ZC3H12D: variants seen among roughly 807,000 people sequenced by gnomAD.
The protein encoded by ZC3H12D is probable ribonuclease ZC3H12D.
Under a neutral mutation model 24.2 loss-of-function variants are expected in ZC3H12D, and 11 were observed. That is an observed-to-expected ratio of 0.46 (90% confidence interval 0.29 to 0.75). The LOEUF is 0.75. Among genes scored for constraint, ZC3H12D ranks in the 30% least tolerant of loss-of-function variants. ZC3H12D has a pLI of 0.11. For missense variants in ZC3H12D, 740 were observed against 767.7 expected (o/e 0.96, Z 0.43); for synonymous variants, 333 against 341.8 (o/e 0.97, Z 0.28).
chr6:149,476,321 A>G (rs907731765), intron 1 of ZC3H12D, among the ~76,000 whole-genome samples: 4 of 152,210 alleles, frequency 2.6e-5, no homozygotes, highest in African/African-American at 7.2e-5. Context: ...CCTGGCCAAC[A>G]TGGCGAAATC....
intron 1 of ZC3H12D, among the ~76,000 whole-genome samples, chr6:149,476,407 G>C (rs1368158518): frequency 3.3e-5 from 5 of 152,162 alleles, no homozygotes; most frequent in African/African-American, 1.2e-4. Flanking sequence ...GGGAGGCTGA[G>C]GCAGGAGACT....
At chr6:149,473,422 C>A (rs73779376) in intron 2 of ZC3H12D, among the ~76,000 whole-genome samples, 2 of 152,190 alleles carry the variant, frequency 1.3e-5, no homozygotes, top group Non-Finnish European at 2.9e-5. Context: ...GCCCTTTGCA[C>A]GGTTGTAACA....
rs1775982066 is a variant in ZC3H12D at position 149,456,536 on chromosome 6, G to A, written c.680+130C>T. 7 of 761,658 alleles carry A rather than the reference G, an allele frequency of 9.2e-6. No individual in the cohort carries two copies. In the East Asian group the frequency reaches 1.3e-4, roughly 15 times the overall value. 47.2% of individuals were successfully genotyped at this position (761,658 alleles called of 1,614,324 possible). A position where few individuals can be genotyped will look rare whatever the true frequency, so the allele number is the denominator to read the frequency against. On this transcript the variant is annotated intron_variant, in intron 4 of 5. Coordinates refer to ENST00000409806, the MANE Select transcript of ZC3H12D (RefSeq NM_207360.3). The surrounding 1 kb of genome is among the most constrained non-coding windows in gnomAD (Gnocchi z 4.3). Reference sequence around the variant, plus strand: ...CCGCCGAGAATGCGGACCTGGGGGAGCTCTGTCTGAGGGGCTGGGTGACCG... The same window carrying A: ...CCGCCGAGAATGCGGACCTGGGGGAACTCTGTCTGAGGGGCTGGGTGACCG...
intron 2 of ZC3H12D, among the ~76,000 whole-genome samples, chr6:149,463,881 GCTA>G (rs1467304471): frequency 2.6e-5 from 4 of 152,226 alleles, no homozygotes; most frequent in Non-Finnish European, 5.9e-5. Flanking sequence ...AGGATGGCAG[GCTA>G]TTCACTGACA....
intron 2 of ZC3H12D, among the ~76,000 whole-genome samples, chr6:149,465,635 G>C (rs1357904815): frequency 6.6e-6 from 1 of 151,658 alleles, no homozygotes; most frequent in Non-Finnish European, 1.5e-5. Flanking sequence ...TGCACATGTA[G>C]TTCCAGCTAC....
intron 2 of ZC3H12D, among the ~76,000 whole-genome samples, chr6:149,462,981 C>T (rs968700518): frequency 3.3e-5 from 5 of 152,162 alleles, no homozygotes; most frequent in African/African-American, 7.2e-5. Flanking sequence ...ACCTTGTGAT[C>T]GTGTGAGTCA....
chr6:149,467,865 A>G (rs1312314917), intron 2 of ZC3H12D, among the ~76,000 whole-genome samples: 4 of 152,212 alleles, frequency 2.6e-5, no homozygotes, highest in Non-Finnish European at 4.4e-5. Context: ...TTAAATGCTC[A>G]TGCTTAGAAA....
intron 4 of ZC3H12D, among the ~76,000 whole-genome samples, chr6:149,455,823 G>T (rs537917218): frequency 6.7e-6 from 1 of 149,366 alleles, no homozygotes. Flanking sequence ...GATCGCTTGA[G>T]CCCAGGTGTT....
intron 1 of ZC3H12D, among the ~76,000 whole-genome samples, chr6:149,480,535 C>G (rs62441728): frequency 0.16 from 24,850 of 152,190 alleles, 3,403 homozygotes; most frequent in East Asian, 0.74. Context: ...GAAGCCCAAG[C>G]AGACCAGCCT....
chr6:149,481,321 C>T (rs948574299), intron 1 of ZC3H12D, among the ~76,000 whole-genome samples: 6 of 150,182 alleles, frequency 4.0e-5, no homozygotes, highest in South Asian at 4.4e-4. Context: ...GAGAAAGGAC[C>T]AGAAGAAAGG....
intron 2 of ZC3H12D, 83 bp from the exon 3 acceptor site, chr6:149,462,053 T>C (rs1434828328): frequency 6.1e-6 from 9 of 1,484,758 alleles, no homozygotes; most frequent in Non-Finnish European, 8.1e-6. Context: ...TGGATCACAG[T>C]CTCATAATCA....
chr6:149,461,889 G>A lies in ZC3H12D; in HGVS notation c.387C>T (p.Ile129=). ...TCCTCCAGGATGGAACAAAAACTTT[G>A]ATGTAGGTGTGTCCTCTGTCCCTGA... The part of the protein sequence containing the change: ...DWFRDRGHTY[I]KVFVPSWRKD... Residue 129 remains isoleucine, a synonymous_variant, in exon 3 of 6, where the codon ATC becomes ATT. Transcript: ENST00000409806. The A allele has an allele frequency of 1.9e-6, 3 of 1,601,960 alleles. No homozygotes were observed. The highest frequency in any genetic ancestry group is 2.6e-6 in the Non-Finnish European group (3 of 1,174,212).
chr6:149,461,318 C>T (rs946348304), intron 3 of ZC3H12D, among the ~76,000 whole-genome samples: 11 of 144,294 alleles, frequency 7.6e-5, no homozygotes, highest in African/African-American at 1.1e-4. Context: ...TCCAGCTTGG[C>T]GACAGAGCAA....
rs772859875 is a variant in ZC3H12D, at chr6:149,450,946, G to T, written c.1321C>A (p.Pro441Thr). The T allele has an allele frequency of 1.8e-5, 28 of 1,537,868 alleles. No homozygotes were observed. The South Asian group carries it at 2.3e-4, about 12-fold the overall frequency. The change falls in exon 6 of 6, where the codon CCC becomes ACC. Residue 441 changes from proline to threonine, a missense_variant. Coordinates refer to ENST00000409806, the MANE Select transcript of ZC3H12D (RefSeq NM_207360.3). Reference sequence around the variant, plus strand: ...CGCCCAGGGAAGCGGTCGGAGCGGGGTGGACGGGCCCACGGGTCGTCGGGT... The same window carrying T: ...CGCCCAGGGAAGCGGTCGGAGCGGGTTGGACGGGCCCACGGGTCGTCGGGT... ...RPPDDPWARP[P>T]RSDRFPGRSV...
At chr6:149,475,172 C>A (rs1776316092) in intron 1 of ZC3H12D, among the ~76,000 whole-genome samples, 1 of 152,088 alleles carries the variant, frequency 6.6e-6, no homozygotes, top group Admixed American at 6.5e-5. Flanking sequence ...CTTCCAGCCT[C>A]CAGAACTGTG....
chr6:149,459,063 T>C (rs1431471630), intron 3 of ZC3H12D, among the ~76,000 whole-genome samples: 1 of 152,198 alleles, frequency 6.6e-6, no homozygotes, highest in East Asian at 1.9e-4. Context: ...GAGACTTGTC[T>C]TTCCACTTTT....
At chr6:149,451,627 G>A in intron 5 of ZC3H12D, 148 bp from the exon 6 acceptor site, 2 of 704,266 alleles carry the variant, frequency 2.8e-6, no homozygotes, top group South Asian at 4.3e-5. Context: ...GGACTCCTCA[G>A]ACTCAGCGCC....
chr6:149,478,893 C>T (rs1002976624), intron 1 of ZC3H12D, among the ~76,000 whole-genome samples: 1 of 152,188 alleles, frequency 6.6e-6, no homozygotes, highest in African/African-American at 2.4e-5. Flanking sequence ...ATCATGTTCG[C>T]CACCTGCTTC....
chr6:149,470,938 C>T (rs1019923596), intron 2 of ZC3H12D, among the ~76,000 whole-genome samples: 1 of 152,196 alleles, frequency 6.6e-6, no homozygotes, highest in African/African-American at 2.4e-5. Context: ...CCTGGCCTAG[C>T]GGTCCTGTAC....
Sources: gnomAD v4.1 joint callset for allele counts (sites outside exome capture counted in the v4.1 genomes callset) on GRCh38, gnomAD v4.1.1 for gene constraint, Gnocchi (gnomAD v3.1) non-coding constraint, MANE v1.5 for transcripts, NCBI Gene and HGNC (gene_info 2026-07-23, HGNC 2026-07-21) for gene names.